NDST3: variants seen among roughly 807,000 people sequenced by gnomAD.
NDST3 encodes the protein N-deacetylase and N-sulfotransferase 3, also known as bifunctional heparan sulfate N-deacetylase/N-sulfotransferase 3.
In NDST3, 58 loss-of-function variants were observed where a neutral mutation model predicts 96.1. The observed-to-expected ratio is 0.60, with a 90% confidence interval of 0.49 to 0.75. NDST3 has a LOEUF of 0.75. Among genes scored for constraint, NDST3 ranks in the 30% least tolerant of loss-of-function variants. The probability of loss-of-function intolerance (pLI) is 0.00; values close to 1 mark genes in which losing one functional copy is unlikely to be tolerated. For synonymous variants in NDST3, 333 were observed against 359.7 expected (o/e 0.93, Z 0.84); for missense variants, 788 against 1,034.2 (o/e 0.76, Z 3.27).
intron 2 of NDST3, among the ~76,000 whole-genome samples, chr4:118,063,269 G>A (rs962471926): frequency 6.7e-6 from 1 of 149,868 alleles, no homozygotes; most frequent in Non-Finnish European, 1.5e-5. Flanking sequence ...TGGTACCAAA[G>A]CTCAACCAGA....
chr4:118,054,600 T>C lies in NDST3; in HGVS notation c.690T>C (p.Tyr230=), dbSNP rs1165977204. The C allele has an allele frequency of 1.9e-6, 3 of 1,613,336 alleles. No homozygotes were observed. The South Asian group carries it at 3.3e-5, about 18-fold the overall frequency. ...TTTTTCAGATTAATCATTCAGCCTA[T>C]CAACCAGTAATATTTGCCAAAGTAA... ...WTVFQINHSA[Y]QPVIFAKVKT... The change falls in exon 2 of 14, where the codon TAT becomes TAC. Residue 230 remains tyrosine, a synonymous_variant. Coordinates refer to ENST00000296499, the MANE Select transcript of NDST3 (RefSeq NM_004784.3).
chr4:118,158,096 A>T (rs555449759), intron 6 of NDST3, among the ~76,000 whole-genome samples: 1 of 152,218 alleles, frequency 6.6e-6, no homozygotes, highest in Non-Finnish European at 1.5e-5. Context: ...AAGGATAATA[A>T]GAGAGAATTA....
intron 6 of NDST3, among the ~76,000 whole-genome samples, chr4:118,211,620 G>T (rs2125986691): frequency 6.6e-6 from 1 of 152,170 alleles, no homozygotes; most frequent in Admixed American, 6.5e-5. Context: ...GGCTGACAAG[G>T]GTTCAGACTA....
intron 10 of NDST3, among the ~76,000 whole-genome samples, chr4:118,239,646 G>A (rs1336306519): frequency 6.6e-6 from 1 of 152,076 alleles, no homozygotes; most frequent in Non-Finnish European, 1.5e-5. Flanking sequence ...AGAAAAAGAA[G>A]GCTTTAAGGC....
chr4:118,033,857 G>C (rs949985026), upstream of NDST3: 16 of 152,466 alleles, frequency 1.0e-4, no homozygotes, highest in Admixed American at 3.9e-4. Context: ...CCTGGGGAGC[G>C]GCTGAGGCCG....
intron 6 of NDST3, among the ~76,000 whole-genome samples, chr4:118,149,554 T>C (rs1734227947): frequency 6.8e-6 from 1 of 147,122 alleles, no homozygotes; most frequent in Non-Finnish European, 1.5e-5. Flanking sequence ...TGGCTCTCTG[T>C]TTGTCTGTTG....
chr4:118,072,781 A>G (rs1346482622), intron 2 of NDST3, among the ~76,000 whole-genome samples: 1 of 152,082 alleles, frequency 6.6e-6, no homozygotes, highest in East Asian at 1.9e-4. Context: ...AGGAGTAGTG[A>G]CAGTGGGCAT....
chr4:118,249,101 C>T (rs687492), intron 12 of NDST3, among the ~76,000 whole-genome samples: 43,172 of 152,012 alleles, frequency 0.28, 7,783 homozygotes, highest in Middle Eastern at 0.42. Flanking sequence ...ATTAATTAGC[C>T]GACATAAAAG....
chr4:118,175,026 A>G (rs1423497754), intron 6 of NDST3, among the ~76,000 whole-genome samples: 1 of 152,146 alleles, frequency 6.6e-6, no homozygotes, highest in Non-Finnish European at 1.5e-5. Context: ...CGTACAGTCT[A>G]CAGAGGACTT....
At chr4:118,078,704 G>A (rs190259583) in intron 2 of NDST3, among the ~76,000 whole-genome samples, 1 of 149,198 alleles carries the variant, frequency 6.7e-6, no homozygotes, top group Admixed American at 6.7e-5. Context: ...AGCCAAGACT[G>A]CACCATTGCA....
At chr4:118,044,144 A>T (rs929008255) in intron 1 of NDST3, among the ~76,000 whole-genome samples, 1 of 152,190 alleles carries the variant, frequency 6.6e-6, no homozygotes, top group African/African-American at 2.4e-5. Context: ...AAATGCTGCT[A>T]TCTAAAATGG....
chr4:118,236,773 G>A (rs976263484), intron 9 of NDST3, among the ~76,000 whole-genome samples: 2 of 152,154 alleles, frequency 1.3e-5, no homozygotes, highest in Non-Finnish European at 2.9e-5. Context: ...CACTGTTGCA[G>A]TTTGATCACT....
At chr4:118,071,422 C>T (rs192446049) in intron 2 of NDST3, among the ~76,000 whole-genome samples, 3 of 152,192 alleles carry the variant, frequency 2.0e-5, no homozygotes, top group Non-Finnish European at 2.9e-5. Flanking sequence ...TACCCTCCAC[C>T]CTCAAGTAGG....
chr4:118,163,728 A>G (rs959949890), intron 6 of NDST3, among the ~76,000 whole-genome samples: 36 of 152,172 alleles, frequency 2.4e-4, no homozygotes, highest in African/African-American at 8.2e-4. Context: ...TTGTGAACAT[A>G]TACCCTAAAA....
chr4:118,150,402 C>A (rs1274813915), intron 6 of NDST3, among the ~76,000 whole-genome samples: 65 of 152,054 alleles, frequency 4.3e-4, no homozygotes, highest in African/African-American at 8.4e-4. Flanking sequence ...TAATTAAACT[C>A]AAGAGCTTCT....
chr4:118,171,498 C>A (rs186274828), intron 6 of NDST3, among the ~76,000 whole-genome samples: 20 of 151,154 alleles, frequency 1.3e-4, no homozygotes, highest in African/African-American at 4.7e-4. Context: ...AGAGTTTAAT[C>A]CACTGGGGTT....
chr4:118,043,947 G>A lies in NDST3; in HGVS notation c.-156+9355G>A, dbSNP rs577343035. Among the ~76,000 whole-genome samples the A allele has an allele frequency of 7.2e-5, 11 of 152,328 alleles. No individual in the cohort carries two copies. In the East Asian group the frequency reaches 2.1e-3, roughly 29 times the overall value. On this transcript the variant is annotated intron_variant, in intron 1 of 13. Coordinates refer to ENST00000296499, the MANE Select transcript of NDST3 (RefSeq NM_004784.3). ...TTTCTTTAGCTTCAGAAGGAAACTT[G>A]AAGAGCTTAATAGAAAAGAAATGTC...
At chr4:118,151,895 A>C (rs1734424689) in intron 6 of NDST3, among the ~76,000 whole-genome samples, 1 of 152,150 alleles carries the variant, frequency 6.6e-6, no homozygotes, top group African/African-American at 2.4e-5. Context: ...CTGCGTTTCT[A>C]TAGCATCCTC....
chr4:118,235,970 T>A lies in NDST3; in HGVS notation c.1944-1076T>A, dbSNP rs114555008. ...AGAAGCTTTATCATGTTTGAGGATA[T>A]GATCTCAGTCAAAAATCTATGAACA... On this transcript the variant is annotated intron_variant, in intron 9 of 13. Coordinates refer to ENST00000296499, the MANE Select transcript of NDST3 (RefSeq NM_004784.3). 5.3e-3 allele frequency among the ~76,000 whole-genome samples: 811 copies of A among 152,316 alleles called. 13 individuals are homozygous for A. Among genetic ancestry groups the A allele is most frequent in the African/African-American group, 0.019 (782 of 41,572 alleles).
Sources: gnomAD v4.1 joint callset for allele counts (sites outside exome capture counted in the v4.1 genomes callset) on GRCh38, gnomAD v4.1.1 for gene constraint, MANE v1.5 for transcripts, NCBI Gene and HGNC (gene_info 2026-07-23, HGNC 2026-07-21) for gene names.